Variants in EEFSEC observed in about 807,000 individuals in gnomAD.
EEFSEC encodes selenocysteine-specific elongation factor.
In EEFSEC, 43 loss-of-function variants were observed where a neutral mutation model predicts 42.1. That is an observed-to-expected ratio of 1.02 (90% CI 0.80 to 1.32). EEFSEC has a LOEUF of 1.32. Among genes scored for constraint, EEFSEC ranks in the 40% most tolerant of loss-of-function variants. EEFSEC has a pLI of 0.00. For missense variants in EEFSEC, 745 were observed against 803.6 expected, an observed-to-expected ratio of 0.93 and a Z score of 0.88; for synonymous variants, 354 against 339.1, an observed-to-expected ratio of 1.04 and a Z score of -0.48.
At position 128,391,411 on chromosome 3, in the gene EEFSEC, GTT is replaced by G. The variant is rs1265757001; in HGVS notation, c.1601-16656_1601-16655del. On this transcript the variant is annotated intron_variant, in intron 6 of 6. Coordinates refer to ENST00000254730, the MANE Select transcript of EEFSEC (RefSeq NM_021937.5). ...GGCCTCCCAGTTGACCACCAAAGGTGTTTCCAACCTCGAGGTTCTGGGCCCTG... is the reference window on the plus strand; with the variant it reads ...GGCCTCCCAGTTGACCACCAAAGGTGTCCAACCTCGAGGTTCTGGGCCCTG... Among the ~76,000 whole-genome samples the G allele has an allele frequency of 2.6e-5, 4 of 152,370 alleles. No homozygotes were observed. In the East Asian group the frequency reaches 7.7e-4, roughly 29 times the overall value.
At chr3:128,184,187 C>T (rs1411545054) in intron 1 of EEFSEC, among the ~76,000 whole-genome samples, 10 of 152,184 alleles carry the variant, frequency 6.6e-5, no homozygotes, top group Admixed American at 6.5e-4. Context: ...ATAACATATT[C>T]ATAATATAAG....
At chr3:128,216,924 C>T (rs2065816294) in intron 1 of EEFSEC, among the ~76,000 whole-genome samples, 1 of 151,470 alleles carries the variant, frequency 6.6e-6, no homozygotes, top group Non-Finnish European at 1.5e-5. Flanking sequence ...GATACTTGAC[C>T]TCATAGATGG....
chr3:128,421,155 C>T, the EEFSEC span, among the ~76,000 whole-genome samples: 1 of 152,138 alleles, frequency 6.6e-6, no homozygotes, highest in Non-Finnish European at 1.5e-5. Flanking sequence ...CCAAAGGCCC[C>T]TCACCAGCCA....
chr3:128,345,374 C>G (rs185608846), intron 5 of EEFSEC, among the ~76,000 whole-genome samples: 2 of 152,186 alleles, frequency 1.3e-5, no homozygotes, highest in Admixed American at 6.5e-5. Flanking sequence ...AGGAGCCACA[C>G]AGTTTTGGTT....
chr3:128,279,994 G>T (rs976491613), intron 4 of EEFSEC, among the ~76,000 whole-genome samples: 1 of 152,244 alleles, frequency 6.6e-6, no homozygotes, highest in African/African-American at 2.4e-5. Context: ...GCAGATCTAT[G>T]TGGAAAGACC....
intron 1 of EEFSEC, among the ~76,000 whole-genome samples, chr3:128,160,894 A>G (rs2065180069): frequency 6.6e-6 from 1 of 152,194 alleles, no homozygotes; most frequent in Non-Finnish European, 1.5e-5. Flanking sequence ...AGATAAAACT[A>G]AGTGGTGCTG....
chr3:128,419,286 G>C, the EEFSEC span, among the ~76,000 whole-genome samples: 19,052 of 152,254 alleles, frequency 0.13, 1,929 homozygotes, highest in East Asian at 0.38. Context: ...CATCAGTAGT[G>C]GTGTGGACAC....
At chr3:128,206,978 G>A (rs868572420) in intron 1 of EEFSEC, among the ~76,000 whole-genome samples, 15 of 152,164 alleles carry the variant, frequency 9.9e-5, no homozygotes, top group Non-Finnish European at 1.3e-4. Context: ...ACTGGCCCGT[G>A]CAGCACTTCT....
chr3:128,168,703 G>C (rs1467950771), intron 1 of EEFSEC, among the ~76,000 whole-genome samples: 1 of 152,264 alleles, frequency 6.6e-6, no homozygotes, highest in African/African-American at 2.4e-5. Context: ...CGAGGCTGTT[G>C]TCATGGGTGT....
intron 5 of EEFSEC, 136 bp downstream of exon 5, chr3:128,342,025 A>G: frequency 8.0e-7 from 1 of 1,243,794 alleles, no homozygotes; most frequent in Non-Finnish European, 1.1e-6. Context: ...GTTTCTGTAC[A>G]AGGCATCTGA....
Position 128,235,790 on chromosome 3 carries a change from A to G in EEFSEC, c.317-11046A>G, listed in dbSNP as rs1183362561. Among the ~76,000 whole-genome samples the G allele has an allele frequency of 3.9e-5, 6 of 152,248 alleles. No homozygotes were observed. In the East Asian group the frequency reaches 1.2e-3, roughly 29 times the overall value. ...CCTTTTGCTCTTCCAGACACGTAGC[A>G]ATGAGTGTCCACATATGTGCCCCAT... On this transcript the variant is annotated intron_variant, in intron 1 of 6. Coordinates refer to ENST00000254730, the MANE Select transcript of EEFSEC (RefSeq NM_021937.5).
intron 1 of EEFSEC, among the ~76,000 whole-genome samples, chr3:128,177,446 A>G (rs2107785625): frequency 8.8e-6 from 1 of 113,358 alleles, no homozygotes; most frequent in South Asian, 2.8e-4. Flanking sequence ...TTTTTGGCAC[A>G]CGTTTCCAAA....
rs974320352 is a variant in EEFSEC at position 128,188,519 on chromosome 3, A to G, written c.316+34696A>G. Reference sequence around the variant, plus strand: ...CAGGCAAAAGTTTGGCGGCCTTGGTATTGTTGACCCTTTGTACTAGATGGT... The same window carrying G: ...CAGGCAAAAGTTTGGCGGCCTTGGTGTTGTTGACCCTTTGTACTAGATGGT... On this transcript the variant is annotated intron_variant, in intron 1 of 6. Coordinates refer to ENST00000254730, the MANE Select transcript of EEFSEC (RefSeq NM_021937.5). Among the ~76,000 whole-genome samples, 3 of 152,082 alleles carry G rather than the reference A, an allele frequency of 2.0e-5. No homozygotes were observed. The East Asian group carries it at 5.8e-4, about 29-fold the overall frequency.
At chr3:128,412,465 G>A (rs1288926034), downstream of EEFSEC, among the ~76,000 whole-genome samples, 1 of 152,226 alleles carries the variant, frequency 6.6e-6, no homozygotes, top group Non-Finnish European at 1.5e-5. Context: ...GCAGGGACTG[G>A]GGAGGCCTCC....
chr3:128,283,505 C>T (rs913203584), intron 4 of EEFSEC, among the ~76,000 whole-genome samples: 1 of 152,180 alleles, frequency 6.6e-6, no homozygotes, highest in Admixed American at 6.5e-5. Flanking sequence ...AGGCAGCCCA[C>T]GTCTTGTGGA....
At chr3:128,280,675 C>G (rs140020934) in intron 4 of EEFSEC, among the ~76,000 whole-genome samples, 2 of 152,338 alleles carry the variant, frequency 1.3e-5, no homozygotes, top group African/African-American at 4.8e-5. Context: ...CCCTCCTTGC[C>G]TCTGTACGGT....
chr3:128,323,805 G>A (rs974692732), intron 4 of EEFSEC, among the ~76,000 whole-genome samples: 1 of 151,950 alleles, frequency 6.6e-6, no homozygotes, highest in Admixed American at 6.5e-5. Context: ...CGGCTGCCAT[G>A]TTGAATGCCA....
At chr3:128,293,895 C>T (rs2066674528) in intron 4 of EEFSEC, among the ~76,000 whole-genome samples, 1 of 152,194 alleles carries the variant, frequency 6.6e-6, no homozygotes, top group East Asian at 1.9e-4. Context: ...ATGCCTTTCA[C>T]AGTTCTTGGC....
At chr3:128,292,974 G>A (rs866802614) in intron 4 of EEFSEC, among the ~76,000 whole-genome samples, 1 of 151,978 alleles carries the variant, frequency 6.6e-6, no homozygotes, top group Non-Finnish European at 1.5e-5. Flanking sequence ...TCAATGATGT[G>A]CCATTTTTTA....
Sources: allele counts gnomAD v4.1 joint callset (sites outside exome capture counted in the v4.1 genomes callset), GRCh38; gene constraint gnomAD v4.1.1; transcripts MANE v1.5; gene names NCBI Gene and HGNC (gene_info 2026-07-23, HGNC 2026-07-21).